Variants in HSPA9 observed in about 807,000 individuals in gnomAD.
HSPA9 encodes heat shock protein family A (Hsp70) member 9.
HSPA9 carries 28 observed loss-of-function variants against 81.5 expected under a neutral mutation model. The observed-to-expected ratio is 0.34, with a 90% CI of 0.25 to 0.47. The LOEUF (loss-of-function observed/expected upper bound fraction) is 0.47. HSPA9 is among the 20% of genes least tolerant of loss of function. The pLI is 1.00. For synonymous variants in HSPA9, 293 were observed against 290.4 expected, an observed-to-expected ratio of 1.01 and a Z score of -0.09; for missense variants, 678 against 838.0, an observed-to-expected ratio of 0.81 and a Z score of 2.36.
In HSPA9 at chr5:138,568,975, G is replaced by T. The variant is rs1291053868; in HGVS notation, c.485C>A (p.Ser162Tyr). The change falls in exon 5 of 17, where the codon TCT becomes TAT. Residue 162 changes from serine (S) to tyrosine (Y), a missense_variant. This residue lies in a region of HSPA9 where 484 missense variants were observed against 647.5 expected (regional missense o/e 0.75). Coordinates refer to ENST00000297185, the MANE Select transcript of HSPA9 (RefSeq NM_004134.7). ...AWVEAHGKLY[S>Y]PSQIGAFVLM... ...CACAAATGCTCCAATCTGACTCGGA[G>T]AATACAATTTCCCATGAGCCTCAAC... The T allele has an allele frequency of 6.2e-7, 1 of 1,613,988 alleles. No homozygotes were observed. Among genetic ancestry groups the T allele is most frequent in the East Asian group, 2.2e-5 (1 of 44,876 alleles).
intron 12 of HSPA9, among the ~76,000 whole-genome samples, 184 bp downstream of exon 12, chr5:138,558,369 C>G (rs955480405): frequency 5.3e-5 from 8 of 151,658 alleles, no homozygotes; most frequent in African/African-American, 1.9e-4. Context: ...TCCTAAGGCA[C>G]AAGGAAAAAG....
intron 9 of HSPA9, among the ~76,000 whole-genome samples, chr5:138,564,850 A>C (rs572875689): frequency 6.6e-6 from 1 of 152,334 alleles, no homozygotes; most frequent in Non-Finnish European, 1.5e-5. Flanking sequence ...AAGTAACAGT[A>C]ATGTTAATTC....
chr5:138,564,366 A>T (rs892483281), intron 9 of HSPA9, among the ~76,000 whole-genome samples: 12 of 152,236 alleles, frequency 7.9e-5, no homozygotes, highest in African/African-American at 2.9e-4. Context: ...GGCCTCCCAA[A>T]GTGCTGAGAT....
Position 138,558,243 on chromosome 5 carries a change from T to C in HSPA9, c.1516-257A>G, listed in dbSNP as rs146116330. Among the ~76,000 whole-genome samples the C allele has an allele frequency of 3.7e-3, 563 of 152,324 alleles. 4 individuals carry two copies. The highest frequency in any genetic ancestry group is 0.012 in the African/African-American group (503 of 41,562). On this transcript the variant is annotated intron_variant, in intron 12 of 16. Coordinates refer to ENST00000297185, the MANE Select transcript of HSPA9 (RefSeq NM_004134.7). ...ACCTGTGGACACACTAAATGACAGA[T>C]AGCAAATCTCCTATTATTCACCTCA...
chr5:138,560,268 C>G (rs576147891), intron 10 of HSPA9, among the ~76,000 whole-genome samples, 177 bp from the exon 11 acceptor site: 1 of 152,358 alleles, frequency 6.6e-6, no homozygotes, highest in South Asian at 2.1e-4. Flanking sequence ...TCTTCTAACA[C>G]TCATACACTT....
intron 11 of HSPA9, 198 bp from the exon 12 acceptor site, chr5:138,558,855 C>G (rs1330278653): frequency 3.6e-6 from 2 of 554,338 alleles, no homozygotes; most frequent in African/African-American, 1.9e-5. Context: ...GCAACTGTTT[C>G]AGCTAAGCAA....
rs1750490292 is a variant in HSPA9 at position 138,555,056 on chromosome 5, T to C, written c.*981A>G. ...CATGTTAGAGATCTAAAAACTTTCA[T>C]GTTAGAGATCTAGAAACTTTCATGT... On this transcript the variant is annotated 3_prime_UTR_variant, in exon 17 of 17. Transcript: ENST00000297185. 6.8e-6 allele frequency: 1 copy of C among 146,310 alleles called. No individual in the cohort carries two copies. Among genetic ancestry groups the C allele is most frequent in the African/African-American group, 2.7e-5 (1 of 36,886 alleles). The allele number at this position is 146,310 out of a possible 1,614,324, so 9.1% of individuals were successfully genotyped here. A position where few individuals can be genotyped will look rare whatever the true frequency, so the allele number is the denominator to read the frequency against.
chr5:138,568,888 C>G lies in HSPA9; in HGVS notation c.535+37G>C, dbSNP rs41295713. On this transcript the variant is annotated intron_variant, in intron 5 of 16. Coordinates refer to ENST00000297185, the MANE Select transcript of HSPA9 (RefSeq NM_004134.7). ...TAGTGATCTCACAGGAATCATTGTTCTTAGAACTTTCCCAGATGTGAACTA... is the reference window on the plus strand; with the variant it reads ...TAGTGATCTCACAGGAATCATTGTTGTTAGAACTTTCCCAGATGTGAACTA... The G allele has an allele frequency of 4.3e-4, 694 of 1,609,660 alleles. 2 individuals are homozygous for G. In the African/African-American group the frequency reaches 7.6e-3, roughly 18 times the overall value.
chr5:138,572,664 C>T (rs1750932099), intron 3 of HSPA9, among the ~76,000 whole-genome samples: 1 of 152,130 alleles, frequency 6.6e-6, no homozygotes, highest in African/African-American at 2.4e-5. Context: ...TTCCTTTCCC[C>T]CCAATCTCCT....
In HSPA9 at chr5:138,559,897, A is replaced by G; in HGVS notation, c.1377T>C (p.Asn459=). ...TCTTGGTTGGAATAGTGGTATTCCTATTAATAAGTTTGGTAAAGACACCTC... is the reference window on the plus strand; with the variant it reads ...TCTTGGTTGGAATAGTGGTATTCCTGTTAATAAGTTTGGTAAAGACACCTC... ...TLGGVFTKLI[N]RNTTIPTKKS... is the part of the protein sequence containing the mutation. The change falls in exon 11 of 17, where the codon AAT becomes AAC. Residue 459 remains asparagine, a synonymous_variant. Transcript: ENST00000297185. 6.2e-7 allele frequency: 1 copy of G among 1,613,774 alleles called. No homozygotes were observed. The highest frequency in any genetic ancestry group is 1.3e-5 in the African/African-American group (1 of 75,012).
At chr5:138,567,782 C>A in intron 5 of HSPA9, 60 bp from the exon 6 acceptor site, 1 of 1,229,528 alleles carries the variant, frequency 8.1e-7, no homozygotes, top group South Asian at 1.2e-5. Flanking sequence ...TAATATAGCC[C>A]AACAACCTGT....
At chr5:138,573,707 G>T in intron 3 of HSPA9, 56 bp downstream of exon 3, 2 of 684,704 alleles carry the variant, frequency 2.9e-6, no homozygotes, top group South Asian at 1.5e-5. Context: ...CTAAGGAAAA[G>T]AGCACAGAAT....
In HSPA9 at chr5:138,557,568, A is replaced by G. The variant is rs1750555271; in HGVS notation, c.1634-72T>C. On this transcript the variant is annotated intron_variant, in intron 13 of 16. Coordinates refer to ENST00000297185, the MANE Select transcript of HSPA9 (RefSeq NM_004134.7). ...TGCCTCTTCTTCCTCCATTGCATTA[A>G]GAGTACTCCTGCTCATAGCAGCCAA... 2.9e-5 allele frequency: 26 copies of G among 909,032 alleles called. 1 individual carries two copies. The South Asian group carries it at 3.4e-4, about 12-fold the overall frequency. 56.3% of individuals were successfully genotyped at this position (909,032 alleles called of 1,614,324 possible). A position where few individuals can be genotyped will look rare whatever the true frequency, so the allele number is the denominator to read the frequency against.
intron 9 of HSPA9, 68 bp from the exon 10 acceptor site, chr5:138,561,857 C>T (rs1750667403): frequency 1.6e-6 from 2 of 1,220,722 alleles, no homozygotes; most frequent in Middle Eastern, 1.9e-4. Flanking sequence ...ATTATTTCAA[C>T]TAAAATATGA....
chr5:138,560,037 G>A lies in HSPA9; in HGVS notation c.1237C>T (p.Pro413Ser). The change falls in exon 11 of 17, where the codon CCT becomes TCT. Residue 413 changes from proline (P) to serine (S), a missense_variant. By Grantham distance (74) the Pro-to-Ser change is moderately conservative. Transcript: ENST00000297185. ...FGRAPSKAVN[P>S]DEAVAIGAAI... ...GCTCCAATGGCCACAGCCTCATCAG[G>A]ATTGACAGCTTTACTTGGGGCTCTG... is the stretch of plus-strand genomic sequence containing the variant. 6.2e-7 allele frequency: 1 copy of A among 1,614,140 alleles called. No individual in the cohort carries two copies. Among genetic ancestry groups the A allele is most frequent in the Non-Finnish European group, 8.5e-7 (1 of 1,180,018 alleles).
rs142766327 is a variant in HSPA9, at chr5:138,574,708, T to C, written c.81+530A>G. The C allele has an allele frequency of 3.7e-3, 610 of 165,236 alleles. 4 individuals carry two copies. Among genetic ancestry groups the C allele is most frequent in the African/African-American group, 0.013 (555 of 41,718 alleles). 10.2% of individuals were successfully genotyped at this position (165,236 alleles called of 1,614,324 possible). A position where few individuals can be genotyped will look rare whatever the true frequency, so the allele number is the denominator to read the frequency against. ...TTTTAGAAAACAAGTAACCACTCCATAGCCTTTTCTCCGCCCCACGATCTG... is the reference window on the plus strand; with the variant it reads ...TTTTAGAAAACAAGTAACCACTCCACAGCCTTTTCTCCGCCCCACGATCTG... On this transcript the variant is annotated intron_variant, in intron 1 of 16. Transcript: ENST00000297185.
chr5:138,575,116 T>C, intron 1 of HSPA9, 122 bp downstream of exon 1: 3 of 697,164 alleles, frequency 4.3e-6, no homozygotes, highest in Non-Finnish European at 7.4e-6. Context: ...CCCGTTACCT[T>C]CCTTCCCGCC....
chr5:138,569,087 G>T (rs765278857), intron 4 of HSPA9, 38 bp from the exon 5 acceptor site: 1 of 1,605,390 alleles, frequency 6.2e-7, no homozygotes, highest in Admixed American at 1.7e-5. Context: ...AAAACTACCT[G>T]AACAACTTAC....
chr5:138,566,831 G>A, intron 8 of HSPA9, 113 bp from the exon 9 acceptor site: 1 of 1,105,356 alleles, frequency 9.0e-7, no homozygotes, highest in African/African-American at 1.5e-5. Context: ...ATATAAGCAT[G>A]AATTACTTTT....
Sources: gnomAD v4.1 joint callset for allele counts (sites outside exome capture counted in the v4.1 genomes callset) on GRCh38, gnomAD v4.1.1 for gene constraint, gnomAD v4.1.1 regional missense constraint, MANE v1.5 for transcripts, NCBI Gene and HGNC (gene_info 2026-07-23, HGNC 2026-07-21) for gene names.